Variants in B3GALT1 observed in about 807,000 individuals in gnomAD.
B3GALT1 encodes UDP-Gal:betaGlcNAc beta 1,3-galactosyltransferase, polypeptide 1.
In B3GALT1, 10 loss-of-function variants were observed where a neutral mutation model predicts 23.2. That is an observed-to-expected ratio of 0.43 (90% CI 0.27 to 0.73). The LOEUF (loss-of-function observed/expected upper bound fraction) is 0.73, where lower values mean the gene tolerates loss of function less well. B3GALT1 is among the 30% of genes least tolerant of loss of function. The pLI, the probability that B3GALT1 is intolerant of heterozygous loss-of-function variation, is 0.21. For missense variants in B3GALT1, 299 were observed against 405.4 expected, an observed-to-expected ratio of 0.74 and a Z score of 2.25; for synonymous variants, 156 against 141.5, an observed-to-expected ratio of 1.10 and a Z score of -0.73.
chr2:167,851,286 C>CA (rs1559002841), intron 4 of B3GALT1, among the ~76,000 whole-genome samples: 1 of 152,000 alleles, frequency 6.6e-6, no homozygotes, highest in East Asian at 1.9e-4. Context: ...CCCCATAAGG[C>CA]AAACCAAAAG....
At chr2:167,399,042 A>G (rs1429021144) in intron 1 of B3GALT1, among the ~76,000 whole-genome samples, 1 of 152,204 alleles carries the variant, frequency 6.6e-6, no homozygotes, top group Non-Finnish European at 1.5e-5. Context: ...GCAAACTGCC[A>G]TGGCCATGTC....
intron 2 of B3GALT1, among the ~76,000 whole-genome samples, chr2:167,535,103 G>A (rs1683393997): frequency 6.6e-6 from 1 of 152,110 alleles, no homozygotes; most frequent in Admixed American, 6.5e-5. Context: ...CCATTCCCTT[G>A]ATGAAGCTAA....
At chr2:167,538,414 T>C (rs1377137969) in intron 2 of B3GALT1, among the ~76,000 whole-genome samples, 3 of 152,230 alleles carry the variant, frequency 2.0e-5, no homozygotes, top group Non-Finnish European at 4.4e-5. Flanking sequence ...TCTATATTTA[T>C]GTTTTTAAAG....
At chr2:167,495,212 A>G (rs1012875654) in intron 2 of B3GALT1, among the ~76,000 whole-genome samples, 7 of 152,042 alleles carry the variant, frequency 4.6e-5, no homozygotes, top group African/African-American at 1.7e-4. Context: ...AAGCTTCATC[A>G]TCATTTAACA....
At chr2:167,466,486 G>A (rs983026517) in intron 1 of B3GALT1, among the ~76,000 whole-genome samples, 15 of 151,168 alleles carry the variant, frequency 9.9e-5, no homozygotes, top group Non-Finnish European at 2.2e-4. Flanking sequence ...CAGGCATGGT[G>A]GCACATGCCT....
chr2:167,770,906 G>A (rs1235798139), intron 3 of B3GALT1, among the ~76,000 whole-genome samples: 6 of 152,072 alleles, frequency 3.9e-5, no homozygotes, highest in African/African-American at 9.7e-5. Context: ...CAGTGATATC[G>A]CTGTGCCTTG....
chr2:167,771,774 T>G (rs911713397), intron 3 of B3GALT1, among the ~76,000 whole-genome samples: 4 of 152,104 alleles, frequency 2.6e-5, no homozygotes, highest in African/African-American at 9.7e-5. Context: ...CCTTCTACTA[T>G]GCAAAAGTAG....
At chr2:167,370,789 G>A (rs1916750) in intron 1 of B3GALT1, among the ~76,000 whole-genome samples, 121,786 of 151,734 alleles carry the variant, frequency 0.8, 50,826 homozygotes, top group East Asian at 0.92. Context: ...AGCCGGGCAT[G>A]GTGGCGGGTG....
At chr2:167,837,416 A>C (rs1170971575) in intron 4 of B3GALT1, among the ~76,000 whole-genome samples, 3 of 151,744 alleles carry the variant, frequency 2.0e-5, no homozygotes, top group Non-Finnish European at 1.5e-5. Context: ...AACAAAGATC[A>C]AAAGAGACAA....
intron 2 of B3GALT1, among the ~76,000 whole-genome samples, chr2:167,557,204 G>A (rs1328969206): frequency 1.3e-5 from 2 of 151,796 alleles, no homozygotes; most frequent in African/African-American, 4.8e-5. Flanking sequence ...TTGGAGATGG[G>A]TTGTGTGATC....
intron 1 of B3GALT1, among the ~76,000 whole-genome samples, chr2:167,309,561 T>C (rs1327739243): frequency 6.6e-6 from 1 of 152,034 alleles, no homozygotes; most frequent in Non-Finnish European, 1.5e-5. Flanking sequence ...TCTTAAAAAT[T>C]ATTTAGGCTG....
intron 3 of B3GALT1, among the ~76,000 whole-genome samples, chr2:167,806,866 A>C (rs1216962428): frequency 6.6e-6 from 1 of 152,168 alleles, no homozygotes; most frequent in African/African-American, 2.4e-5. Context: ...TTTTCTATTG[A>C]TTAGAATAGT....
intron 1 of B3GALT1, among the ~76,000 whole-genome samples, chr2:167,365,962 A>G (rs371269794): frequency 6.6e-6 from 1 of 152,228 alleles, no homozygotes; most frequent in Non-Finnish European, 1.5e-5. Context: ...ACAGATATGT[A>G]AAGTACCTGC....
intron 1 of B3GALT1, among the ~76,000 whole-genome samples, chr2:167,314,669 T>C (rs1309362475): frequency 6.6e-6 from 1 of 152,168 alleles, no homozygotes; most frequent in Non-Finnish European, 1.5e-5. Context: ...AAGACACATT[T>C]TATGTGGACA....
intron 2 of B3GALT1, among the ~76,000 whole-genome samples, chr2:167,549,656 C>G (rs2105379713): frequency 6.6e-6 from 1 of 152,280 alleles, no homozygotes; most frequent in Non-Finnish European, 1.5e-5. Flanking sequence ...TAAGCAGCCT[C>G]TCTACCTGCC....
intron 3 of B3GALT1, among the ~76,000 whole-genome samples, chr2:167,794,672 T>C (rs966917628): frequency 8.5e-5 from 13 of 152,250 alleles, no homozygotes; most frequent in African/African-American, 3.1e-4. Flanking sequence ...TCAATTGCAT[T>C]GTCACTGTTT....
intron 3 of B3GALT1, among the ~76,000 whole-genome samples, chr2:167,817,506 G>GTCTC (rs1689018252): frequency 6.6e-6 from 1 of 152,150 alleles, no homozygotes; most frequent in South Asian, 2.1e-4. Flanking sequence ...GGCTGAGTCA[G>GTCTC]TCTCTAAACC....
intron 1 of B3GALT1, among the ~76,000 whole-genome samples, chr2:167,346,578 A>G (rs1697224031): frequency 6.6e-6 from 1 of 152,346 alleles, no homozygotes; most frequent in South Asian, 2.1e-4. Context: ...TACAATGCCA[A>G]GGCTTGATGG....
intron 1 of B3GALT1, among the ~76,000 whole-genome samples, chr2:167,409,353 T>C (rs1559087846): frequency 6.6e-6 from 1 of 152,176 alleles, no homozygotes; most frequent in Non-Finnish European, 1.5e-5. Context: ...GTTTTCCAAC[T>C]TGATTCTATT....
Sources: gnomAD v4.1 joint callset for allele counts (sites outside exome capture counted in the v4.1 genomes callset) on GRCh38, gnomAD v4.1.1 for gene constraint, MANE v1.5 for transcripts, NCBI Gene and HGNC (gene_info 2026-07-23, HGNC 2026-07-21) for gene names.